Variants in SLC7A11 observed in about 807,000 individuals in gnomAD.
SLC7A11 encodes cystine/glutamate transporter.
SLC7A11 carries 35 observed loss-of-function variants against 54.5 expected under a neutral mutation model. The ratio of observed to expected loss-of-function variants is 0.64; its 90% confidence interval spans 0.49 to 0.85. The LOEUF is 0.85. Ranked by LOEUF, SLC7A11 falls within the 40% of genes least tolerant of loss-of-function variation. The pLI is 0.00. For missense variants in SLC7A11, 583 were observed against 618.1 expected (o/e 0.94, Z 0.60); for synonymous variants, 230 against 225.2 (o/e 1.02, Z -0.19).
chr4:138,180,919 A>C, intron 9 of SLC7A11, 129 bp from the exon 10 acceptor site: 1 of 870,888 alleles, frequency 1.1e-6, no homozygotes, highest in East Asian at 2.7e-5. Flanking sequence ...CATCATAGTT[A>C]AAACTTGGAT....
chr4:138,209,257 T>C (rs1327094550), intron 6 of SLC7A11, among the ~76,000 whole-genome samples: 2 of 152,006 alleles, frequency 1.3e-5, no homozygotes, highest in Non-Finnish European at 2.9e-5. Flanking sequence ...TTTCAGCAGA[T>C]GATTCATTTC....
rs1433881291 is a variant in SLC7A11 at position 138,170,909 on chromosome 4, G to A, written c.*1047C>T. 6.6e-6 allele frequency: 1 copy of A among 152,092 alleles called. No individual in the cohort carries two copies. Among genetic ancestry groups the A allele is most frequent in the African/African-American group, 2.4e-5 (1 of 41,428 alleles). 9.4% of individuals were successfully genotyped at this position (152,092 alleles called of 1,614,324 possible). On this transcript the variant is annotated 3_prime_UTR_variant, in exon 12 of 12. Transcript: ENST00000280612. ...ATATTTTAACAGAAGAATATAAAAT[G>A]TATAAAGAAAATGCACAAACTGTCA...
At chr4:138,217,867 C>T (rs953442055) in intron 5 of SLC7A11, among the ~76,000 whole-genome samples, 7 of 152,354 alleles carry the variant, frequency 4.6e-5, no homozygotes, top group African/African-American at 1.4e-4. Context: ...CCTGTGATCA[C>T]GCTCAGTTCT....
chr4:138,184,871 T>G (rs568493433), intron 7 of SLC7A11, among the ~76,000 whole-genome samples: 4 of 152,246 alleles, frequency 2.6e-5, no homozygotes, highest in African/African-American at 7.2e-5. Context: ...CTTTGGCAGA[T>G]TTTCAAGCAT....
intron 6 of SLC7A11, among the ~76,000 whole-genome samples, chr4:138,194,938 C>A (rs1737095984): frequency 2.0e-5 from 3 of 152,190 alleles, no homozygotes; most frequent in Admixed American, 2.0e-4. Flanking sequence ...CCCACTTGCT[C>A]ATGTAACAGA....
rs1281180642 is a variant in SLC7A11, at chr4:138,183,188, A to G, written c.1019+14T>C. On this transcript the variant is annotated intron_variant, in intron 8 of 11. Transcript: ENST00000280612. The stretch of plus-strand genomic sequence containing the variant: ...AACAGAAATGTGTTTCTGGAAATAC[A>G]TGAACTCACTCACCTGGAGACAGCA... The G allele has an allele frequency of 1.0e-5, 16 of 1,562,916 alleles. No homozygotes were observed. Among genetic ancestry groups the G allele is most frequent in the Non-Finnish European group, 1.3e-5 (15 of 1,135,196 alleles).
At chr4:138,198,390 C>G (rs1005737842) in intron 6 of SLC7A11, among the ~76,000 whole-genome samples, 4 of 152,068 alleles carry the variant, frequency 2.6e-5, no homozygotes, top group African/African-American at 9.7e-5. Context: ...ACAAAGAATT[C>G]TGATGAATCA....
intron 6 of SLC7A11, among the ~76,000 whole-genome samples, chr4:138,201,281 G>A (rs1560727326): frequency 1.3e-5 from 2 of 151,998 alleles, no homozygotes; most frequent in Non-Finnish European, 2.9e-5. Context: ...AGTGGCCTTT[G>A]TATTTGATCA....
In SLC7A11 at chr4:138,219,340, G is replaced by A. The variant is rs6838248; in HGVS notation, c.672C>T (p.Ala224=). Residue 224 remains alanine (A), a synonymous_variant, in exon 5 of 12, where the codon GCC becomes GCT. Transcript: ENST00000280612. Reference sequence around the variant, plus strand: ...TAATACTTGAATCTCTTCCTGAAAAGGCGTCTTTAAAGTTCTGCGTTTGAC... The same window carrying A: ...TAATACTTGAATCTCTTCCTGAAAAAGCGTCTTTAAAGTTCTGCGTTTGAC... ...IKGQTQNFKD[A]FSGRDSSITR... The A allele has an allele frequency of 1.2e-6, 2 of 1,605,314 alleles. No homozygotes were observed. Among genetic ancestry groups the A allele is most frequent in the African/African-American group, 2.7e-5 (2 of 74,662 alleles).
At chr4:138,240,731 G>T (rs547692498) in intron 1 of SLC7A11, among the ~76,000 whole-genome samples, 1 of 152,162 alleles carries the variant, frequency 6.6e-6, no homozygotes, top group Non-Finnish European at 1.5e-5. Context: ...TTGTTAGTTA[G>T]TGTTAGTCCC....
intron 6 of SLC7A11, among the ~76,000 whole-genome samples, chr4:138,190,519 C>T (rs1002655284): frequency 2.0e-5 from 3 of 152,058 alleles, no homozygotes; most frequent in South Asian, 2.1e-4. Context: ...CCAGAAATGA[C>T]GCAAACATCT....
chr4:138,241,906 C>T lies in SLC7A11; in HGVS notation c.164G>A (p.Gly55Asp), dbSNP rs1738390620. ...TLLRGVSIIIGTIIGAGIFIS... is the reference protein window; with the variant it reads ...TLLRGVSIIIDTIIGAGIFIS... ...GAAGATTCCTGCTCCAATGATGGTG[C>T]CAATGATAATGGAGACTCCCCTCAG... is the stretch of plus-strand genomic sequence containing the variant. The change falls in exon 1 of 12, where the codon GGC (glycine) becomes GAC (aspartate). Residue 55 changes from glycine to aspartate, a missense_variant. Coordinates refer to ENST00000280612, the MANE Select transcript of SLC7A11 (RefSeq NM_014331.4). 1.2e-6 allele frequency: 2 copies of T among 1,613,836 alleles called. No individual in the cohort carries two copies. Among genetic ancestry groups the T allele is most frequent in the African/African-American group, 1.3e-5 (1 of 74,890 alleles).
chr4:138,210,090 C>T (rs1737511512), intron 6 of SLC7A11, among the ~76,000 whole-genome samples: 1 of 151,916 alleles, frequency 6.6e-6, no homozygotes, highest in Admixed American at 6.6e-5. Context: ...AATAAAGTCA[C>T]ACACCTACAA....
chr4:138,213,662 T>G (rs60624348), intron 6 of SLC7A11, among the ~76,000 whole-genome samples: 432 of 152,116 alleles, frequency 2.8e-3, no homozygotes, highest in African/African-American at 9.8e-3. Context: ...TACACAAGTA[T>G]TTCCTTCTTT....
At chr4:138,209,283 G>A (rs967156249) in intron 6 of SLC7A11, among the ~76,000 whole-genome samples, 1 of 151,938 alleles carries the variant, frequency 6.6e-6, no homozygotes, top group East Asian at 1.9e-4. Context: ...CTGCCAGAAA[G>A]TTGCATGTTG....
intron 6 of SLC7A11, among the ~76,000 whole-genome samples, chr4:138,189,363 C>T (rs1236128539): frequency 3.3e-5 from 5 of 152,102 alleles, no homozygotes; most frequent in South Asian, 2.1e-4. Flanking sequence ...AAGTAATACC[C>T]GCAATTTTTA....
chr4:138,210,555 C>A (rs1327610913), intron 6 of SLC7A11, among the ~76,000 whole-genome samples: 1 of 151,732 alleles, frequency 6.6e-6, no homozygotes, highest in Non-Finnish European at 1.5e-5. Flanking sequence ...CAAGCAAAAA[C>A]CAAATAATCC....
intron 5 of SLC7A11, among the ~76,000 whole-genome samples, chr4:138,215,104 G>T (rs890842413): frequency 2.6e-5 from 4 of 152,114 alleles, no homozygotes; most frequent in Non-Finnish European, 4.4e-5. Flanking sequence ...TGGCAGAGGG[G>T]TTAGGCACAG....
intron 5 of SLC7A11, among the ~76,000 whole-genome samples, chr4:138,218,458 A>G (rs1333684711): frequency 1.3e-5 from 2 of 152,208 alleles, no homozygotes; most frequent in Admixed American, 1.3e-4. Context: ...TGCAACCATC[A>G]TCTCAACTAA....
Sources: gnomAD v4.1 joint callset for allele counts (sites outside exome capture counted in the v4.1 genomes callset) on GRCh38, gnomAD v4.1.1 for gene constraint, MANE v1.5 for transcripts, NCBI Gene and HGNC (gene_info 2026-07-23, HGNC 2026-07-21) for gene names.